CLASRP: variants seen among roughly 807,000 people sequenced by gnomAD.
The protein encoded by CLASRP is CLK4 associating serine/arginine rich protein.
A neutral mutation model predicts 99.9 loss-of-function variants in CLASRP; 52 were observed. The observed-to-expected ratio is 0.52, with a 90% CI of 0.42 to 0.66. The LOEUF (loss-of-function observed/expected upper bound fraction) is 0.66. Ranked by LOEUF, CLASRP falls within the 30% of genes least tolerant of loss-of-function variation. The pLI, the probability that CLASRP is intolerant of heterozygous loss-of-function variation, is 0.00. For synonymous variants in CLASRP, 379 were observed against 373.0 expected (o/e 1.02, Z -0.18); for missense variants, 848 against 999.2 (o/e 0.85, Z 2.04).
intron 19 of CLASRP, 99 bp downstream of exon 19, chr19:45,070,203 A>G: frequency 1.2e-6 from 1 of 802,136 alleles, no homozygotes; most frequent in South Asian, 1.4e-5. Flanking sequence ...GCGGTGGCTC[A>G]CGCCTGTAAT....
chr19:45,048,726 G>A (rs1258693537), intron 2 of CLASRP, among the ~76,000 whole-genome samples: 1 of 151,908 alleles, frequency 6.6e-6, no homozygotes, highest in African/African-American at 2.4e-5. Context: ...GGTGGCTCAT[G>A]CCTGTAATCC....
In CLASRP at chr19:45,068,412, C is replaced by T. The variant is rs747402636; in HGVS notation, c.1708-8C>T. 22 of 1,597,830 alleles carry T rather than the reference C, an allele frequency of 1.4e-5. No individual in the cohort carries two copies. Among genetic ancestry groups the T allele is most frequent in the Admixed American group, 1.7e-5 (1 of 59,952 alleles). On this transcript the variant is annotated splice_polypyrimidine_tract_variant and splice_region_variant and intron_variant, in intron 15 of 20. Coordinates refer to ENST00000221455, the MANE Select transcript of CLASRP (RefSeq NM_007056.3). ...CCCCCTCTCCCGCCTCTTCTCCCCCCTCCCCAGCCCAAGCTGACGCCTCAG... is the reference window on the plus strand; with the variant it reads ...CCCCCTCTCCCGCCTCTTCTCCCCCTTCCCCAGCCCAAGCTGACGCCTCAG...
In CLASRP at chr19:45,052,899, C is replaced by T; in HGVS notation, c.299+7C>T. On this transcript the variant is annotated splice_region_variant and intron_variant, in intron 4 of 20. Coordinates refer to ENST00000221455, the MANE Select transcript of CLASRP (RefSeq NM_007056.3). Reference sequence around the variant, plus strand: ...CCCCTCTGCTCACCACCATGTAAGCCACCTCCCAGGGGGTTGCCAGGCACA... The same window carrying T: ...CCCCTCTGCTCACCACCATGTAAGCTACCTCCCAGGGGGTTGCCAGGCACA... 6.3e-7 allele frequency: 1 copy of T among 1,599,090 alleles called. No homozygotes were observed. The highest frequency in any genetic ancestry group is 8.5e-7 in the Non-Finnish European group (1 of 1,173,398).
Position 45,064,334 on chromosome 19 carries a change from C to G in CLASRP, c.1122-9C>G, listed in dbSNP as rs939742485. The G allele has an allele frequency of 6.6e-7, 1 of 1,522,600 alleles. No homozygotes were observed. Among genetic ancestry groups the G allele is most frequent in the East Asian group, 2.5e-5 (1 of 40,646 alleles). The allele number at this position is 1,522,600 out of a possible 1,614,324, so 94.3% of individuals were successfully genotyped here. On this transcript the variant is annotated splice_polypyrimidine_tract_variant and intron_variant, in intron 12 of 20. Transcript: ENST00000221455. ...CTGCGCTGACCGGCCCTCCGTGCCC[C>G]GCCTGCAGCCGCCGCTCCTCCTCCT... is the stretch of plus-strand genomic sequence containing the variant.
intron 2 of CLASRP, among the ~76,000 whole-genome samples, chr19:45,041,873 TC>T (rs545103826): frequency 1.2e-3 from 188 of 152,232 alleles, no homozygotes; most frequent in African/African-American, 4.4e-3. Flanking sequence ...ACCCAAGCGC[TC>T]CCCAGCCACA....
At chr19:45,045,517 T>TA (rs71338744) in intron 2 of CLASRP, among the ~76,000 whole-genome samples, 9 of 151,416 alleles carry the variant, frequency 5.9e-5, no homozygotes, top group African/African-American at 1.5e-4. Context: ...ACCCTGTCTT[T>TA]AAAAAAAAAG....
At chr19:45,065,643 T>G (rs1967069231) in intron 13 of CLASRP, among the ~76,000 whole-genome samples, 1 of 151,446 alleles carries the variant, frequency 6.6e-6, no homozygotes. Flanking sequence ...GAAAATAAAG[T>G]CACCTGGGGA....
At position 45,070,036 on chromosome 19, in the gene CLASRP, G is replaced by A. The variant is rs957979300; in HGVS notation, c.1889G>A (p.Arg630Gln). Residue 630 changes from arginine to glutamine, a missense_variant, in exon 19 of 21, where the codon CGA becomes CAA. Coordinates refer to ENST00000221455, the MANE Select transcript of CLASRP (RefSeq NM_007056.3). ...TGCCTTCGCAGGGAGCGGGAACGCCGAGAGAAGGAGAGAGAAGAGTGGGAA... is the reference window on the plus strand; with the variant it reads ...TGCCTTCGCAGGGAGCGGGAACGCCAAGAGAAGGAGAGAGAAGAGTGGGAA... ...RKIRMKERER[R>Q]EKEREEWERQ... is the part of the protein sequence containing the mutation. 6 of 1,604,688 alleles carry A rather than the reference G, an allele frequency of 3.7e-6. No individual in the cohort carries two copies. The highest frequency in any genetic ancestry group is 1.3e-5 in the African/African-American group (1 of 74,746).
intron 7 of CLASRP, 23 bp downstream of exon 7, chr19:45,057,921 C>A: frequency 6.2e-7 from 1 of 1,612,968 alleles, no homozygotes; most frequent in Non-Finnish European, 8.5e-7. Context: ...CTCTGCCCTC[C>A]CCACCTGCAG....
intron 5 of CLASRP, 66 bp downstream of exon 5, chr19:45,053,243 G>T (rs975017401): frequency 6.5e-7 from 1 of 1,538,984 alleles, no homozygotes; most frequent in Non-Finnish European, 9.0e-7. Flanking sequence ...ACCTAGATAG[G>T]TTTGGGAAGA....
Position 45,062,147 on chromosome 19 carries a change from T to C in CLASRP, c.864-7T>C. Reference sequence around the variant, plus strand: ...TAATTTGTCCCACCCCATTCTTTTCTCTGTAGCTATGCCCGCCGAGACAGC... The same window carrying C: ...TAATTTGTCCCACCCCATTCTTTTCCCTGTAGCTATGCCCGCCGAGACAGC... On this transcript the variant is annotated splice_region_variant and splice_polypyrimidine_tract_variant and intron_variant, in intron 10 of 20. Transcript: ENST00000221455. 1 of 1,513,032 alleles carries C rather than the reference T, an allele frequency of 6.6e-7. No individual in the cohort carries two copies. Among genetic ancestry groups the C allele is most frequent in the South Asian group, 1.1e-5 (1 of 89,020 alleles). The allele number at this position is 1,513,032 out of a possible 1,614,324, so 93.7% of individuals were successfully genotyped here.
chr19:45,040,704 G>A, intron 2 of CLASRP: 1 of 174,764 alleles, frequency 5.7e-6, no homozygotes, highest in Non-Finnish European at 1.3e-5. Context: ...TATTAAGTTG[G>A]CCTGGCACAG....
In CLASRP at chr19:45,060,890, T is replaced by A. The variant is rs1178960889; in HGVS notation, c.863+263T>A. ...CCCAGGAGCCCATGCACAGGCGGCA[T>A]AAGGCTCTCACCAAGGCGGCAGAGA... On this transcript the variant is annotated intron_variant, in intron 10 of 20. Transcript: ENST00000221455. The surrounding 1 kb of genome is among the most constrained non-coding windows in gnomAD (Gnocchi z 4.6). Among the ~76,000 whole-genome samples the A allele has an allele frequency of 6.6e-6, 1 of 152,190 alleles. No homozygotes were observed. The highest frequency in any genetic ancestry group is 1.5e-5 in the Non-Finnish European group (1 of 68,042).
In CLASRP at chr19:45,068,140, C is replaced by T. The variant is rs576812777; in HGVS notation, c.1707+86C>T. On this transcript the variant is annotated intron_variant, in intron 15 of 20. Transcript: ENST00000221455. The stretch of plus-strand genomic sequence containing the variant: ...GGCCCGGTGGGCCTGCAGGGGGGCC[C>T]GGGTGGGCTGGGAGATCCAGCCCCA... 524 of 1,226,068 alleles carry T rather than the reference C, an allele frequency of 4.3e-4. 2 individuals carry two copies. In the African/African-American group the frequency reaches 5.1e-3, roughly 12 times the overall value. 75.9% of individuals were successfully genotyped at this position (1,226,068 alleles called of 1,614,324 possible).
intron 8 of CLASRP, among the ~76,000 whole-genome samples, 160 bp downstream of exon 8, chr19:45,059,524 G>A (rs762690474): frequency 5.9e-5 from 9 of 152,138 alleles, no homozygotes; most frequent in South Asian, 2.1e-4. Context: ...TATGGTGGTC[G>A]TGGCCCCACT....
intron 6 of CLASRP, among the ~76,000 whole-genome samples, chr19:45,057,416 G>A (rs528507790): frequency 2.0e-3 from 300 of 152,364 alleles, no homozygotes; most frequent in African/African-American, 7.0e-3. Context: ...TGGCTGCTCA[G>A]GAGGACTCTG....
At chr19:45,045,161 A>G (rs1453689457) in intron 2 of CLASRP, among the ~76,000 whole-genome samples, 3 of 152,130 alleles carry the variant, frequency 2.0e-5, no homozygotes, top group Non-Finnish European at 4.4e-5. Flanking sequence ...TCATGTCTTC[A>G]TTCTATCCAG....
chr19:45,056,631 C>T, intron 6 of CLASRP, 97 bp downstream of exon 6: 2 of 951,986 alleles, frequency 2.1e-6, no homozygotes, highest in Non-Finnish European at 3.4e-6. Flanking sequence ...CAGGGTCTCC[C>T]CGAAACCAAG....
chr19:45,041,218 A>C (rs1009754539), intron 2 of CLASRP, among the ~76,000 whole-genome samples: 1 of 145,706 alleles, frequency 6.9e-6, no homozygotes, highest in Non-Finnish European at 1.5e-5. Context: ...CGACAGCGAG[A>C]CTCTGTCTCA....
Sources: allele counts gnomAD v4.1 joint callset (sites outside exome capture counted in the v4.1 genomes callset), GRCh38; gene constraint gnomAD v4.1.1; non-coding constraint Gnocchi (gnomAD v3.1); transcripts MANE v1.5; gene names NCBI Gene and HGNC (gene_info 2026-07-23, HGNC 2026-07-21).